The following CTDNEP1 variants were observed in gnomAD, a reference collection of about 807,000 sequenced individuals.
The protein encoded by CTDNEP1 is CTD nuclear envelope phosphatase 1, also known as C-terminal domain nuclear envelope phosphatase 1.
Under a neutral mutation model 30.1 loss-of-function variants are expected in CTDNEP1, and 3 were observed. That is an observed-to-expected ratio of 0.10 (90% CI 0.05 to 0.26). CTDNEP1 has a LOEUF of 0.26. Among genes scored for constraint, CTDNEP1 ranks in the 10% least tolerant of loss-of-function variants. The pLI is 1.00. For synonymous variants in CTDNEP1, 123 were observed against 118.8 expected, an observed-to-expected ratio of 1.04 and a Z score of -0.23; for missense variants, 158 against 310.4, an observed-to-expected ratio of 0.51 and a Z score of 3.69.
chr17:7,251,351 C>T lies in CTDNEP1; in HGVS notation c.-55G>A, dbSNP rs902893322. On this transcript the variant is annotated 5_prime_UTR_variant, in exon 1 of 8. Coordinates refer to ENST00000574322, the MANE Select transcript of CTDNEP1 (RefSeq NM_001143775.2). The stretch of plus-strand genomic sequence containing the variant: ...GGCCCCCGCGGCCCAGCTCCGCCAG[C>T]CCCCCGGGGGCAGCCCCCCGCCGCC... 10 of 1,246,478 alleles carry T rather than the reference C, an allele frequency of 8.0e-6. No individual in the cohort carries two copies. In the Admixed American group the frequency reaches 1.2e-4, roughly 15 times the overall value. The allele number at this position is 1,246,478 out of a possible 1,614,324, so 77.2% of individuals were successfully genotyped here. A position where few individuals can be genotyped will look rare whatever the true frequency, so the allele number is the denominator to read the frequency against.
chr17:7,246,049 G>T lies in CTDNEP1; in HGVS notation c.566C>A (p.Pro189Gln). ...ACCTGGATGGCTCCTGTAAGCCCCTGGGGAGTTATCCAGGATCACAATGCT... is the reference window on the plus strand; with the variant it reads ...ACCTGGATGGCTCCTGTAAGCCCCTTGGGAGTTATCCAGGATCACAATGCT... ...LSSIVILDNS[P>Q]GAYRSHPDNA... The change falls in exon 6 of 8, where the codon CCA becomes CAA. Residue 189 changes from proline to glutamine, a missense_variant. Pro to Gln is a moderately conservative substitution (Grantham distance 76). Around this residue, in one of 2 missense-constraint regions of CTDNEP1, gnomAD observed 96 missense variants for 229.1 expected, o/e 0.42. Coordinates refer to ENST00000574322, the MANE Select transcript of CTDNEP1 (RefSeq NM_001143775.2). The surrounding 1 kb of genome is among the most constrained non-coding windows in gnomAD (Gnocchi z 4.9). 1 of 1,613,612 alleles carries T rather than the reference G, an allele frequency of 6.2e-7. No individual in the cohort carries two copies. Among genetic ancestry groups the T allele is most frequent in the Non-Finnish European group, 8.5e-7 (1 of 1,179,654 alleles).
At chr17:7,245,926 G>A (rs1407181216) in intron 6 of CTDNEP1, 100 bp downstream of exon 6, 6 of 732,110 alleles carry the variant, frequency 8.2e-6, no homozygotes, top group South Asian at 3.3e-5. Context: ...GGATAATCTA[G>A]GGAATCCCAG....
At position 7,246,198 on chromosome 17, in the gene CTDNEP1, C is replaced by A; in HGVS notation, c.477+56G>T. 1 of 1,579,092 alleles carries A rather than the reference C, an allele frequency of 6.3e-7. No individual in the cohort carries two copies. The highest frequency in any genetic ancestry group is 8.7e-7 in the Non-Finnish European group (1 of 1,148,274). ...CAGGATACTCTCCTCAAACCCAGAT[C>A]CCTCCCTGGTGGCCTCCCTCCCAAG... On this transcript the variant is annotated intron_variant, in intron 5 of 7. Coordinates refer to ENST00000574322, the MANE Select transcript of CTDNEP1 (RefSeq NM_001143775.2). The surrounding 1 kb of genome is among the most constrained non-coding windows in gnomAD (Gnocchi z 4.9).
chr17:7,251,951 A>G (rs541843468), upstream of CTDNEP1: 202 of 159,486 alleles, frequency 1.3e-3, no homozygotes, highest in Non-Finnish European at 2.1e-3. Flanking sequence ...CCACTCTGAC[A>G]GGCGCCATTT....
chr17:7,247,386 GC>G lies in CTDNEP1; in HGVS notation c.103-44del, dbSNP rs199703056. The stretch of plus-strand genomic sequence containing the variant: ...GAGGATTGAAACCCTTGATAAGGAA[GC>G]CTTCCCCAGTAACAGTAACAGGGAG... On this transcript the variant is annotated intron_variant, in intron 1 of 7. Transcript: ENST00000574322. 2,831 of 1,497,054 alleles carry G rather than the reference GC, an allele frequency of 1.9e-3. 48 individuals are homozygous for G. In the African/African-American group the frequency reaches 0.034, roughly 18 times the overall value. 92.7% of individuals were successfully genotyped at this position (1,497,054 alleles called of 1,614,324 possible).
rs1174733674 is a variant in CTDNEP1 at position 7,244,602 on chromosome 17, T to G, written c.623A>C (p.Asp208Ala). Residue 208 changes from aspartate (D) to alanine (A), a missense_variant, in exon 7 of 8, where the codon GAC (aspartate) becomes GCC (alanine). Asp to Ala is a moderately radical substitution (Grantham distance 126, BLOSUM62 -2). Coordinates refer to ENST00000574322, the MANE Select transcript of CTDNEP1 (RefSeq NM_001143775.2). ...NAIPIKSWFS[D>A]PSDTALLNLL... is the part of the protein sequence containing the mutation. Reference sequence around the variant, plus strand: ...GTTGAGAAGGGCTGTGTCGCTGGGGTCACTGAACCAGGATTTGATGGGGAT... The same window carrying G: ...GTTGAGAAGGGCTGTGTCGCTGGGGGCACTGAACCAGGATTTGATGGGGAT... 2.5e-6 allele frequency: 4 copies of G among 1,613,084 alleles called. No individual in the cohort carries two copies. The African/African-American group carries it at 5.3e-5, about 22-fold the overall frequency.
rs766139313 is a variant in CTDNEP1 at position 7,246,754 on chromosome 17, T to G, written c.360+37A>C. The stretch of plus-strand genomic sequence containing the variant: ...ATTCCCAGAGCCCTAAAACCATTCC[T>G]TCATTACAGAGCTCCCTTTAGCTCT... On this transcript the variant is annotated intron_variant, in intron 4 of 7. Coordinates refer to ENST00000574322, the MANE Select transcript of CTDNEP1 (RefSeq NM_001143775.2). This position sits in a 1 kb window ranked among gnomAD's most constrained non-coding sequence, Gnocchi z 4.9. 9 of 1,559,988 alleles carry G rather than the reference T, an allele frequency of 5.8e-6. No individual in the cohort carries two copies. Among genetic ancestry groups the G allele is most frequent in the Non-Finnish European group, 8.0e-6 (9 of 1,131,968 alleles).
Position 7,244,119 on chromosome 17 carries a change from A to T in CTDNEP1, c.*66T>A. 1 of 1,605,884 alleles carries T rather than the reference A, an allele frequency of 6.2e-7. No homozygotes were observed. The highest frequency in any genetic ancestry group is 8.5e-7 in the Non-Finnish European group (1 of 1,176,418). ...GTCCTCACATTGGACAGGGCATCAG[A>T]CGGCATCCCAAGGGCTCGCCCTCCC... On this transcript the variant is annotated 3_prime_UTR_variant, in exon 8 of 8. Transcript: ENST00000574322.
At chr17:7,249,998 G>C (rs771012544) in intron 1 of CTDNEP1, among the ~76,000 whole-genome samples, 1 of 152,048 alleles carries the variant, frequency 6.6e-6, no homozygotes, top group Non-Finnish European at 1.5e-5. Context: ...CTCTTGTCTC[G>C]GGGGAATAGC....
chr17:7,245,456 C>G (rs2071823191), intron 6 of CTDNEP1, among the ~76,000 whole-genome samples: 2 of 151,632 alleles, frequency 1.3e-5, no homozygotes, highest in African/African-American at 4.8e-5. Flanking sequence ...GAGTGAGACC[C>G]TATCTCAAAA....
Position 7,248,484 on chromosome 17 carries a change from T to C in CTDNEP1, c.103-1141A>G, listed in dbSNP as rs1254273358. 1.0e-3 allele frequency among the ~76,000 whole-genome samples: 154 copies of C among 149,846 alleles called. 2 individuals are homozygous for C. The highest frequency in any genetic ancestry group is 1.4e-3 in the East Asian group (7 of 4,890). On this transcript the variant is annotated intron_variant, in intron 1 of 7. Transcript: ENST00000574322. ...AAGCAATTCTCCTGCCTCAGCCTCC[T>C]AAGCAGCTGGGACTATAGGCGCGCG...
At chr17:7,249,997 C>T (rs900414078) in intron 1 of CTDNEP1, among the ~76,000 whole-genome samples, 1 of 152,062 alleles carries the variant, frequency 6.6e-6, no homozygotes, top group Non-Finnish European at 1.5e-5. Flanking sequence ...GCTCTTGTCT[C>T]GGGGGAATAG....
chr17:7,251,331 C>G lies in CTDNEP1; in HGVS notation c.-35G>C. 7.0e-7 allele frequency: 1 copy of G among 1,428,072 alleles called. No homozygotes were observed. The highest frequency in any genetic ancestry group is 2.7e-5 in the Admixed American group (1 of 37,618). 88.5% of individuals were successfully genotyped at this position (1,428,072 alleles called of 1,614,324 possible). ...CCCGGCACCGCCGGCCCCGGGGCCC[C>G]CGCGGCCCAGCTCCGCCAGCCCCCC... On this transcript the variant is annotated 5_prime_UTR_variant, in exon 1 of 8. Transcript: ENST00000574322.
chr17:7,247,469 TC>T, intron 1 of CTDNEP1, 126 bp from the exon 2 acceptor site: 3 of 686,004 alleles, frequency 4.4e-6, no homozygotes, highest in South Asian at 1.9e-5. Context: ...TATTTCTTCT[TC>T]TTTTTTTTTT....
chr17:7,244,347 A>G, intron 7 of CTDNEP1, 102 bp from the exon 8 acceptor site: 2 of 1,350,160 alleles, frequency 1.5e-6, no homozygotes, highest in Non-Finnish European at 2.1e-6. Flanking sequence ...CTAAATTATC[A>G]CCATATTCAT....
intron 1 of CTDNEP1, among the ~76,000 whole-genome samples, chr17:7,249,327 CCTT>C (rs2071883263): frequency 1.3e-5 from 2 of 152,190 alleles, no homozygotes; most frequent in South Asian, 4.1e-4. Flanking sequence ...CAAGATCTGC[CCTT>C]CTTTTCTCCC....
rs762335098 is a variant in CTDNEP1, at chr17:7,251,175, C to T, written c.102+20G>A. ...CACCGCCAGACGTCCCCAACACCGC[C>T]AGCGCCCACCCTGGCTCACCGTGCG... On this transcript the variant is annotated intron_variant, in intron 1 of 7. Transcript: ENST00000574322. 7.6e-6 allele frequency: 12 copies of T among 1,572,636 alleles called. No individual in the cohort carries two copies. The highest frequency in any genetic ancestry group is 1.2e-5 in the South Asian group (1 of 85,924).
chr17:7,244,428 T>C, intron 7 of CTDNEP1, 123 bp downstream of exon 7: 1 of 1,227,090 alleles, frequency 8.1e-7, no homozygotes. Flanking sequence ...ACGACCTGGG[T>C]CCAAATGTTA....
intron 1 of CTDNEP1, among the ~76,000 whole-genome samples, chr17:7,247,600 C>G (rs1351273112): frequency 6.6e-6 from 1 of 151,706 alleles, no homozygotes; most frequent in Non-Finnish European, 1.5e-5. Context: ...TCCCTAATAG[C>G]TGGGACTACA....
Sources: gnomAD v4.1 joint callset for allele counts (sites outside exome capture counted in the v4.1 genomes callset) on GRCh38, gnomAD v4.1.1 for gene constraint, gnomAD v4.1.1 regional missense constraint, Gnocchi (gnomAD v3.1) non-coding constraint, MANE v1.5 for transcripts, NCBI Gene and HGNC (gene_info 2026-07-23, HGNC 2026-07-21) for gene names.